Variants in NRXN3 observed in about 807,000 individuals in gnomAD.
NRXN3 encodes neurexin III.
In NRXN3, 32 loss-of-function variants were observed where a neutral mutation model predicts 137.6. That is an observed-to-expected ratio of 0.23 (90% confidence interval 0.18 to 0.31). The LOEUF is 0.31. Among genes scored for constraint, NRXN3 ranks in the 10% least tolerant of loss-of-function variants. NRXN3 has a pLI of 1.00. For missense variants in NRXN3, 1,574 were observed against 2,062.5 expected, an observed-to-expected ratio of 0.76 and a Z score of 4.59; for synonymous variants, 798 against 784.5, an observed-to-expected ratio of 1.02 and a Z score of -0.29.
intron 15 of NRXN3, among the ~76,000 whole-genome samples, chr14:79,028,948 G>A (rs2099602897): frequency 6.6e-6 from 1 of 152,064 alleles, no homozygotes; most frequent in South Asian, 2.1e-4. Context: ...AAAGCATTGG[G>A]ATGGGGATGA....
chr14:79,748,902 C>T (rs370461696), intron 19 of NRXN3, among the ~76,000 whole-genome samples: 1 of 149,816 alleles, frequency 6.7e-6, no homozygotes, highest in African/African-American at 2.5e-5. Context: ...GTGATTGTGG[C>T]AGATTAAAAA....
chr14:79,188,206 G>C (rs139237325), intron 15 of NRXN3, among the ~76,000 whole-genome samples: 4 of 152,202 alleles, frequency 2.6e-5, no homozygotes, highest in Admixed American at 1.3e-4. Context: ...TAAATTGAGA[G>C]GAAACCTTTA....
At chr14:79,573,760 C>T (rs949817106) in intron 16 of NRXN3, among the ~76,000 whole-genome samples, 2 of 151,898 alleles carry the variant, frequency 1.3e-5, no homozygotes, top group South Asian at 2.1e-4. Context: ...CTGCCATGTC[C>T]GTGATGTAGT....
At chr14:79,042,961 T>A (rs1193420396) in intron 15 of NRXN3, among the ~76,000 whole-genome samples, 2 of 152,142 alleles carry the variant, frequency 1.3e-5, no homozygotes, top group East Asian at 1.9e-4. Flanking sequence ...TCAGAAATCT[T>A]TTATTTCTGC....
At chr14:79,408,254 C>G (rs1237600410) in intron 15 of NRXN3, among the ~76,000 whole-genome samples, 1 of 152,052 alleles carries the variant, frequency 6.6e-6, no homozygotes, top group Non-Finnish European at 1.5e-5. Flanking sequence ...TGAGCCTTAT[C>G]CCCTTTGCTC....
intron 10 of NRXN3, among the ~76,000 whole-genome samples, chr14:78,818,474 G>A (rs1012098608): frequency 2.6e-5 from 4 of 152,164 alleles, no homozygotes; most frequent in Middle Eastern, 3.4e-3. Context: ...CAGAAAGGAA[G>A]AAAATTAACC....
At chr14:79,216,361 A>G (rs865866846) in intron 15 of NRXN3, among the ~76,000 whole-genome samples, 4 of 152,182 alleles carry the variant, frequency 2.6e-5, no homozygotes, top group African/African-American at 9.7e-5. Flanking sequence ...CTCTGGAGGC[A>G]CACAGTTACA....
chr14:79,452,562 C>T (rs1264718343), intron 15 of NRXN3, among the ~76,000 whole-genome samples: 2 of 152,090 alleles, frequency 1.3e-5, no homozygotes, highest in Admixed American at 6.5e-5. Flanking sequence ...TATTCCAGGG[C>T]CTGATGACCT....
At chr14:78,703,868 A>G (rs1248424466) in intron 6 of NRXN3, 1 of 152,240 alleles carries the variant, frequency 6.6e-6, no homozygotes, top group Non-Finnish European at 1.5e-5. Context: ...ATAGTTTAAA[A>G]ACAAGAGAAA....
intron 16 of NRXN3, among the ~76,000 whole-genome samples, chr14:79,606,568 A>G (rs2098020638): frequency 6.6e-6 from 1 of 152,228 alleles, no homozygotes; most frequent in Non-Finnish European, 1.5e-5. Context: ...TAATCTCTGC[A>G]TGAACTAGAT....
At chr14:79,257,440 T>A (rs2076816244) in intron 15 of NRXN3, among the ~76,000 whole-genome samples, 1 of 49,938 alleles carries the variant, frequency 2.0e-5, no homozygotes. Context: ...GTGGTGGTGG[T>A]GGTAGTGATG....
At chr14:79,562,634 A>G (rs1567511895) in intron 16 of NRXN3, among the ~76,000 whole-genome samples, 1 of 152,174 alleles carries the variant, frequency 6.6e-6, no homozygotes, top group Admixed American at 6.6e-5. Flanking sequence ...AGTACTTTGA[A>G]GTCCCACTGA....
chr14:79,861,855 A>ACAT lies in NRXN3; in HGVS notation c.4610_4612dup (p.Ile1537dup). 6.2e-7 allele frequency: 1 copy of ACAT among 1,614,150 alleles called. No homozygotes were observed. The highest frequency in any genetic ancestry group is 1.1e-5 in the South Asian group (1 of 91,080). ...TATCAAGTGGACGAGACGCGGAACT[A>ACAT]CATCAGCAACTCCGCCCAGAGCAAC... On this transcript the variant is annotated inframe_insertion, in exon 21 of 21. Coordinates refer to ENST00000335750, the MANE Select transcript of NRXN3 (RefSeq NM_001330195.2). This position sits in a 1 kb window ranked among gnomAD's most constrained non-coding sequence, Gnocchi z 5.4.
At chr14:78,389,605 T>C (rs974114513) in intron 4 of NRXN3, among the ~76,000 whole-genome samples, 1 of 152,214 alleles carries the variant, frequency 6.6e-6, no homozygotes, top group Non-Finnish European at 1.5e-5. Context: ...GTTTTCCTCT[T>C]ATTATTTTGA....
chr14:79,833,705 A>G (rs535026996), intron 20 of NRXN3, among the ~76,000 whole-genome samples: 1 of 152,290 alleles, frequency 6.6e-6, no homozygotes, highest in East Asian at 1.9e-4. Context: ...CATGGACTCT[A>G]TCAGTCTCTT....
At chr14:78,834,238 C>T (rs1316728931) in intron 10 of NRXN3, among the ~76,000 whole-genome samples, 3 of 152,056 alleles carry the variant, frequency 2.0e-5, no homozygotes, top group South Asian at 4.2e-4. Context: ...TGATGTGATT[C>T]CGTTATGTAT....
At chr14:78,537,767 A>T (rs192800682) in intron 4 of NRXN3, among the ~76,000 whole-genome samples, 72 of 152,254 alleles carry the variant, frequency 4.7e-4, no homozygotes, top group Admixed American at 2.3e-3. Context: ...TCTTTAATCC[A>T]TCTTGAATTA....
At chr14:78,960,423 G>A (rs1037586615) in intron 11 of NRXN3, among the ~76,000 whole-genome samples, 17 of 152,004 alleles carry the variant, frequency 1.1e-4, no homozygotes, top group African/African-American at 4.1e-4. Context: ...GTTCTTTAAG[G>A]CCCCCCTAGT....
chr14:79,236,562 A>G (rs887841329), intron 15 of NRXN3, among the ~76,000 whole-genome samples: 5 of 152,132 alleles, frequency 3.3e-5, no homozygotes, highest in African/African-American at 4.8e-5. Context: ...TAGAGAAATT[A>G]TATCTCAGGG....
Sources: allele counts gnomAD v4.1 joint callset (sites outside exome capture counted in the v4.1 genomes callset), GRCh38; gene constraint gnomAD v4.1.1; non-coding constraint Gnocchi (gnomAD v3.1); transcripts MANE v1.5; gene names NCBI Gene and HGNC (gene_info 2026-07-23, HGNC 2026-07-21).